The following TIMELESS variants were observed in gnomAD, a reference collection of about 807,000 sequenced individuals.
The protein encoded by TIMELESS is timeless circadian regulator, also known as protein timeless homolog.
A neutral mutation model predicts 164.3 loss-of-function variants in TIMELESS; 124 were observed. The observed-to-expected ratio is 0.75, with a 90% CI of 0.65 to 0.88. The LOEUF (loss-of-function observed/expected upper bound fraction) is 0.88. Among genes scored for constraint, TIMELESS ranks in the 40% least tolerant of loss-of-function variants. The pLI is 0.00. For synonymous variants in TIMELESS, 564 were observed against 563.4 expected (o/e 1.00, Z -0.02); for missense variants, 1,422 against 1,491.4 (o/e 0.95, Z 0.77).
At position 56,430,108 on chromosome 12, in the gene TIMELESS, T is replaced by C; in HGVS notation, c.1083A>G (p.Val361=). The C allele has an allele frequency of 6.2e-7, 1 of 1,611,152 alleles. No homozygotes were observed. The highest frequency in any genetic ancestry group is 1.1e-5 in the South Asian group (1 of 90,670). ...CATATCCTTCACAGGTTCTCACCTTTACTGATCCCATGAGCCGGTTGTAAC... is the reference window on the plus strand; with the variant it reads ...CATATCCTTCACAGGTTCTCACCTTCACTGATCCCATGAGCCGGTTGTAAC... ...ENCYNRLMGS[V]KDHLLREKAQ... is the part of the protein sequence containing the mutation. Residue 361 remains valine, a synonymous_variant, in exon 10 of 29, where the codon GTA becomes GTG. Transcript: ENST00000553532.
In TIMELESS at chr12:56,433,815, G is replaced by T; in HGVS notation, c.209C>A (p.Thr70Asn). The T allele has an allele frequency of 6.2e-7, 1 of 1,614,190 alleles. No individual in the cohort carries two copies. Among genetic ancestry groups the T allele is most frequent in the Non-Finnish European group, 8.5e-7 (1 of 1,180,044 alleles). The change falls in exon 3 of 29, where the codon ACC becomes AAC. Residue 70 changes from threonine to asparagine, a missense_variant. Physicochemically the swap from Thr to Asn is moderately conservative, Grantham distance 65. Coordinates refer to ENST00000553532, the MANE Select transcript of TIMELESS (RefSeq NM_003920.5). Reference protein sequence around the residue: ...ILQSDLLPILTQHHQDKPLFD... With the variant: ...ILQSDLLPILNQHHQDKPLFD... ...GAGAGGCTTGTCCTGGTGGTGCTGG[G>T]TGAGGATGGGCAGAAGGTCGCTCTG...
rs572149334 is a variant in TIMELESS at position 56,426,896 on chromosome 12, C to T, written c.1578+1340G>A. Reference sequence around the variant, plus strand: ...TATACAAAGCAAAGTCTCTGTGTTTCCAGGATACAAATTCCTTGGAGTTTG... The same window carrying T: ...TATACAAAGCAAAGTCTCTGTGTTTTCAGGATACAAATTCCTTGGAGTTTG... On this transcript the variant is annotated intron_variant, in intron 13 of 28. Transcript: ENST00000553532. 6.0e-4 allele frequency among the ~76,000 whole-genome samples: 91 copies of T among 152,106 alleles called. 1 individual carries two copies. Among genetic ancestry groups the T allele is most frequent in the African/African-American group, 2.1e-3 (87 of 41,514 alleles).
chr12:56,417,448 A>T lies in TIMELESS; in HGVS notation c.*268T>A, dbSNP rs1391864906. 2.4e-6 allele frequency: 1 copy of T among 419,784 alleles called. No individual in the cohort carries two copies. Among genetic ancestry groups the T allele is most frequent in the African/African-American group, 2.0e-5 (1 of 50,510 alleles). The allele number at this position is 419,784 out of a possible 1,614,324, so 26.0% of individuals were successfully genotyped here. A position where few individuals can be genotyped will look rare whatever the true frequency, so the allele number is the denominator to read the frequency against. ...TCTTATTTGCTAAGGAGCTCCAATA[A>T]CCAAAAGAAATGGTTCCTAGAAGAA... On this transcript the variant is annotated 3_prime_UTR_variant, in exon 29 of 29. Transcript: ENST00000553532.
chr12:56,438,837 A>G (rs996245842), intron 1 of TIMELESS, among the ~76,000 whole-genome samples: 2 of 150,544 alleles, frequency 1.3e-5, no homozygotes, highest in African/African-American at 4.9e-5. Flanking sequence ...CATGCCATGA[A>G]GTAGATGAAA....
chr12:56,433,189 C>T (rs1881953676), intron 5 of TIMELESS, 62 bp from the exon 6 acceptor site: 1 of 1,529,512 alleles, frequency 6.5e-7, no homozygotes, highest in Admixed American at 1.7e-5. Context: ...TGTACTCTGG[C>T]TGGAAGACCC....
Position 56,417,724 on chromosome 12 carries a change from C to T in TIMELESS, c.3619G>A (p.Asp1207Asn). ...CTAGGCTTCTTAGCTCTTCAGTCAT[C>T]CTCATCATCCTCAATCTGGTATCGT... is the stretch of plus-strand genomic sequence containing the variant. ...KKRYQIEDDEDD is the reference protein window; with the variant it reads ...KKRYQIEDDEND Residue 1207 changes from aspartate (D) to asparagine (N), a missense_variant, in exon 29 of 29, where the codon GAT becomes AAT. Physicochemically the swap from Asp to Asn is conservative, Grantham distance 23. Transcript: ENST00000553532. 1 of 1,614,168 alleles carries T rather than the reference C, an allele frequency of 6.2e-7. No homozygotes were observed. The highest frequency in any genetic ancestry group is 8.5e-7 in the Non-Finnish European group (1 of 1,180,028).
chr12:56,419,755 T>C (rs2638286), intron 26 of TIMELESS, among the ~76,000 whole-genome samples: 9,201 of 151,552 alleles, frequency 0.061, 394 homozygotes, highest in Admixed American at 0.11. Context: ...TTCAAACCAC[T>C]GTAGATCGAC....
At chr12:56,436,010 C>T (rs1486366623) in intron 1 of TIMELESS, among the ~76,000 whole-genome samples, 2 of 148,478 alleles carry the variant, frequency 1.3e-5, no homozygotes, top group African/African-American at 2.5e-5. Context: ...AAAAAGTATA[C>T]AGTATATGAT....
chr12:56,438,034 C>G (rs1882126880), intron 1 of TIMELESS, among the ~76,000 whole-genome samples: 1 of 152,072 alleles, frequency 6.6e-6, no homozygotes. Flanking sequence ...TAATACTGGG[C>G]TTGATAAACA....
At position 56,421,906 on chromosome 12, in the gene TIMELESS, A is replaced by G. The variant is rs1440498003; in HGVS notation, c.2635T>C (p.Phe879Leu). 6.2e-7 allele frequency: 1 copy of G among 1,614,008 alleles called. No individual in the cohort carries two copies. Among genetic ancestry groups the G allele is most frequent in the Non-Finnish European group, 8.5e-7 (1 of 1,180,000 alleles). ...GAGCATGTGCCTCTCTACCTTTGGA[A>G]GTCCTTGACACTGTCAGCCAGTCCC... ...QMGLADSVKDFQRKGTHIVLW... is the reference protein window; with the variant it reads ...QMGLADSVKDLQRKGTHIVLW... Residue 879 changes from phenylalanine to leucine, a missense_variant, in exon 21 of 29, where the codon TTC (phenylalanine) becomes CTC (leucine). Coordinates refer to ENST00000553532, the MANE Select transcript of TIMELESS (RefSeq NM_003920.5).
rs529895584 is a variant in TIMELESS at position 56,432,643 on chromosome 12, T to G, written c.532-119A>C. 3.5e-6 allele frequency: 5 copies of G among 1,420,950 alleles called. No homozygotes were observed. In the South Asian group the frequency reaches 5.5e-5, roughly 16 times the overall value. The allele number at this position is 1,420,950 out of a possible 1,614,324, so 88.0% of individuals were successfully genotyped here. On this transcript the variant is annotated intron_variant, in intron 6 of 28. Coordinates refer to ENST00000553532, the MANE Select transcript of TIMELESS (RefSeq NM_003920.5). ...CTCCCAGACTTGTCAGAGGACAGAATAGCCCAAAAAGGGCAGCTTGGCCGG... is the reference window on the plus strand; with the variant it reads ...CTCCCAGACTTGTCAGAGGACAGAAGAGCCCAAAAAGGGCAGCTTGGCCGG...
chr12:56,420,048 A>ATATATATATGTGTGTG (rs1473074484), intron 26 of TIMELESS, among the ~76,000 whole-genome samples: 1 of 87,338 alleles, frequency 1.1e-5, no homozygotes, highest in African/African-American at 5.0e-5. Context: ...ATATATATAT[A>ATATATATATGTGTGTG]TGTGTGTGTG....
chr12:56,434,713 G>A lies in TIMELESS; in HGVS notation c.-61-482C>T, dbSNP rs150699763. On this transcript the variant is annotated intron_variant, in intron 1 of 28. Coordinates refer to ENST00000553532, the MANE Select transcript of TIMELESS (RefSeq NM_003920.5). ...GATCATGCCGCCACACTCTGGCCTG[G>A]GCAACAGAGCGAGACTCTGTCTCAA... is the stretch of plus-strand genomic sequence containing the variant. Among the ~76,000 whole-genome samples the A allele has an allele frequency of 4.1e-3, 624 of 152,190 alleles. 4 individuals carry two copies. The highest frequency in any genetic ancestry group is 0.021 in the South Asian group (101 of 4,824).
chr12:56,420,266 G>C (rs896343131), intron 26 of TIMELESS, among the ~76,000 whole-genome samples: 1 of 151,744 alleles, frequency 6.6e-6, no homozygotes, highest in Non-Finnish European at 1.5e-5. Context: ...TGTGGGCAGG[G>C]GGGTCCTGGA....
intron 6 of TIMELESS, 51 bp downstream of exon 6, chr12:56,432,975 G>GA: frequency 2.8e-6 from 2 of 705,702 alleles, no homozygotes; most frequent in Admixed American, 6.0e-5. Flanking sequence ...AAAAAAAAAA[G>GA]GCAGCTCAAC....
At chr12:56,436,437 G>C (rs1361573138) in intron 1 of TIMELESS, among the ~76,000 whole-genome samples, 1 of 152,150 alleles carries the variant, frequency 6.6e-6, no homozygotes, top group Non-Finnish European at 1.5e-5. Flanking sequence ...CTGGGCCACA[G>C]AGCAAGACTC....
chr12:56,440,387 T>G (rs1868257273), intron 1 of TIMELESS, among the ~76,000 whole-genome samples: 2 of 152,186 alleles, frequency 1.3e-5, no homozygotes, highest in Non-Finnish European at 2.9e-5. Flanking sequence ...TCTGCCCACC[T>G]GGGCCTCCCA....
At position 56,425,160 on chromosome 12, in the gene TIMELESS, G is replaced by T. The variant is rs1428274505; in HGVS notation, c.1579-8C>A. ...TCTCTTCTTTTGTTTGTTCTGTGGGGAAAGAATTGTATTAGGATGTCAAGA... is the reference window on the plus strand; with the variant it reads ...TCTCTTCTTTTGTTTGTTCTGTGGGTAAAGAATTGTATTAGGATGTCAAGA... On this transcript the variant is annotated splice_region_variant and splice_polypyrimidine_tract_variant and intron_variant, in intron 13 of 28. Transcript: ENST00000553532. The T allele has an allele frequency of 6.2e-7, 1 of 1,610,536 alleles. No individual in the cohort carries two copies. The highest frequency in any genetic ancestry group is 1.7e-5 in the Admixed American group (1 of 59,544).
chr12:56,421,172 G>C (rs951435966), intron 23 of TIMELESS, 38 bp from the exon 24 acceptor site: 2 of 1,612,256 alleles, frequency 1.2e-6, no homozygotes, highest in African/African-American at 1.3e-5. Flanking sequence ...GAAAATGAAG[G>C]CAACACAAGG....
Sources: gnomAD v4.1 joint callset for allele counts (sites outside exome capture counted in the v4.1 genomes callset) on GRCh38, gnomAD v4.1.1 for gene constraint, MANE v1.5 for transcripts, NCBI Gene and HGNC (gene_info 2026-07-23, HGNC 2026-07-21) for gene names.